ANKFN1: variants seen among roughly 807,000 people sequenced by gnomAD.
ANKFN1 encodes the protein ankyrin repeat and fibronectin type-III domain-containing protein 1.
Under a neutral mutation model 108.7 loss-of-function variants are expected in ANKFN1, and 74 were observed. That is an observed-to-expected ratio of 0.68 (90% confidence interval 0.56 to 0.83). The LOEUF (loss-of-function observed/expected upper bound fraction) is 0.83. Ranked by LOEUF, ANKFN1 falls within the 40% of genes least tolerant of loss-of-function variation. The probability of loss-of-function intolerance (pLI) is 0.00; values close to 1 mark genes in which losing one functional copy is unlikely to be tolerated. For missense variants in ANKFN1, 1,505 were observed against 1,382.3 expected, an observed-to-expected ratio of 1.09 and a Z score of -1.41; for synonymous variants, 547 against 516.2, an observed-to-expected ratio of 1.06 and a Z score of -0.81.
intron 4 of ANKFN1, among the ~76,000 whole-genome samples, chr17:56,100,178 G>A (rs1005410911): frequency 6.6e-6 from 1 of 152,202 alleles, no homozygotes; most frequent in African/African-American, 2.4e-5. Flanking sequence ...AAACCAGAAA[G>A]AACTTGTGCA....
In ANKFN1 at chr17:56,236,209, G is replaced by A. The variant is rs113083480; in HGVS notation, c.53+8252G>A. The stretch of plus-strand genomic sequence containing the variant: ...AGTAGCTGGGACTACAGGCATGTGC[G>A]ACCACCCCCGGCTACTTTTTTGTAT... On this transcript the variant is annotated intron_variant, in intron 3 of 20. Transcript: ENST00000682825. 6.7e-3 allele frequency among the ~76,000 whole-genome samples: 1,013 copies of A among 151,780 alleles called. 4 individuals are homozygous for A. The highest frequency in any genetic ancestry group is 0.013 in the South Asian group (63 of 4,796).
intron 6 of ANKFN1, among the ~76,000 whole-genome samples, chr17:56,370,218 G>A (rs918937041): frequency 6.6e-6 from 1 of 152,058 alleles, no homozygotes; most frequent in Admixed American, 6.5e-5. Flanking sequence ...TCTCTGAAGA[G>A]GCAAAATGCA....
chr17:56,258,994 A>T (rs2043433639), intron 3 of ANKFN1, among the ~76,000 whole-genome samples: 1 of 152,212 alleles, frequency 6.6e-6, no homozygotes, highest in East Asian at 1.9e-4. Flanking sequence ...TGAAATTTCC[A>T]AAGTATTAGA....
chr17:56,416,973 C>T (rs1433865611), intron 8 of ANKFN1, among the ~76,000 whole-genome samples: 1 of 152,004 alleles, frequency 6.6e-6, no homozygotes, highest in African/African-American at 2.4e-5. Context: ...ACAAACTTCA[C>T]ATGTTCTGAC....
chr17:56,207,241 A>T (rs989314142), intron 1 of ANKFN1, among the ~76,000 whole-genome samples: 1 of 152,216 alleles, frequency 6.6e-6, no homozygotes, highest in Non-Finnish European at 1.5e-5. Flanking sequence ...AGAAAAGCAG[A>T]TTCTCAAACT....
chr17:56,494,147 T>G (rs575484464), intron 19 of ANKFN1, among the ~76,000 whole-genome samples: 1 of 152,212 alleles, frequency 6.6e-6, no homozygotes, highest in African/African-American at 2.4e-5. Flanking sequence ...TATTGTAATT[T>G]ACTTGCAAAG....
At chr17:56,095,249 A>G (rs566335083) in intron 4 of ANKFN1, among the ~76,000 whole-genome samples, 2 of 151,046 alleles carry the variant, frequency 1.3e-5, no homozygotes, top group South Asian at 4.2e-4. Context: ...TAACATCAGG[A>G]TAAGTTCAGA....
chr17:56,424,249 A>G (rs1018630715), intron 8 of ANKFN1, among the ~76,000 whole-genome samples: 2 of 152,156 alleles, frequency 1.3e-5, no homozygotes, highest in Non-Finnish European at 2.9e-5. Flanking sequence ...GAAAACTTAC[A>G]AACCTGTGTA....
chr17:56,188,591 A>ATATATG (rs1912534338), intron 1 of ANKFN1, among the ~76,000 whole-genome samples: 1 of 116,222 alleles, frequency 8.6e-6, no homozygotes, highest in Non-Finnish European at 1.6e-5. Context: ...GTATATATAT[A>ATATATG]TATATATATA....
intron 14 of ANKFN1, among the ~76,000 whole-genome samples, chr17:56,458,206 C>A (rs1286485998): frequency 6.6e-6 from 1 of 152,088 alleles, no homozygotes. Context: ...CTCTCTTGAA[C>A]AGTATATAGG....
At chr17:56,431,042 A>G (rs1306221845) in intron 8 of ANKFN1, among the ~76,000 whole-genome samples, 1 of 152,192 alleles carries the variant, frequency 6.6e-6, no homozygotes, top group Non-Finnish European at 1.5e-5. Context: ...CTGAGACAGG[A>G]AGGAGTCTGG....
chr17:56,326,422 T>A, intron 4 of ANKFN1, 67 bp downstream of exon 4: 1 of 1,543,316 alleles, frequency 6.5e-7, no homozygotes, highest in Non-Finnish European at 8.7e-7. Context: ...TGATTATTTT[T>A]AAATGTGTAT....
At chr17:56,348,335 C>A (rs1269572099) in intron 4 of ANKFN1, among the ~76,000 whole-genome samples, 1 of 152,014 alleles carries the variant, frequency 6.6e-6, no homozygotes, top group African/African-American at 2.4e-5. Flanking sequence ...CTGGGTAGGG[C>A]CTCCTGGACA....
chr17:56,499,215 CA>C (rs2051292649), intron 20 of ANKFN1, 117 bp downstream of exon 20: 1 of 973,766 alleles, frequency 1.0e-6, no homozygotes, highest in Non-Finnish European at 1.5e-6. Context: ...AAACACTGCT[CA>C]GGGGTAAGAG....
intron 11 of ANKFN1, among the ~76,000 whole-genome samples, chr17:56,455,775 G>T (rs1039558996): frequency 6.6e-6 from 1 of 152,186 alleles, no homozygotes; most frequent in East Asian, 1.9e-4. Context: ...CAGAAGCAAT[G>T]AATTATTTGC....
intron 8 of ANKFN1, among the ~76,000 whole-genome samples, chr17:56,380,948 T>C (rs1223348529): frequency 6.6e-6 from 1 of 152,204 alleles, no homozygotes; most frequent in African/African-American, 2.4e-5. Flanking sequence ...TCTCCCAGCA[T>C]GCAGCTGGAG....
chr17:56,070,359 G>C (rs1461562373), intron 4 of ANKFN1, among the ~76,000 whole-genome samples: 1 of 152,148 alleles, frequency 6.6e-6, no homozygotes, highest in East Asian at 1.9e-4. Flanking sequence ...TGTGACTCCA[G>C]ACTCTGTCGC....
intron 4 of ANKFN1, among the ~76,000 whole-genome samples, chr17:56,091,760 A>G (rs2143194604): frequency 6.6e-6 from 1 of 151,612 alleles, no homozygotes; most frequent in South Asian, 2.1e-4. Context: ...GCCAGAGACT[A>G]TGTGGTCAAG....
intron 5 of ANKFN1, among the ~76,000 whole-genome samples, chr17:56,352,151 AT>A (rs2046264621): frequency 6.6e-6 from 1 of 152,216 alleles, no homozygotes; most frequent in African/African-American, 2.4e-5. Context: ...AGTTTAGCAG[AT>A]TGTGGATAAA....
Sources: gnomAD v4.1 joint callset for allele counts (sites outside exome capture counted in the v4.1 genomes callset) on GRCh38, gnomAD v4.1.1 for gene constraint, MANE v1.5 for transcripts, NCBI Gene and HGNC (gene_info 2026-07-23, HGNC 2026-07-21) for gene names.